SEMA3D: variants seen among roughly 807,000 people sequenced by gnomAD.
SEMA3D encodes semaphorin 3D.
A neutral mutation model predicts 100.1 loss-of-function variants in SEMA3D; 84 were observed. The ratio of observed to expected loss-of-function variants is 0.84; its 90% CI spans 0.70 to 1.01. SEMA3D has a LOEUF of 1.01. Among genes scored for constraint, SEMA3D ranks in the 50% least tolerant of loss-of-function variants. The pLI is 0.00. For synonymous variants in SEMA3D, 312 were observed against 320.7 expected (o/e 0.97, Z 0.29); for missense variants, 875 against 934.1 (o/e 0.94, Z 0.82).
At chr7:85,030,770 C>T (rs13240751) in intron 12 of SEMA3D, among the ~76,000 whole-genome samples, 35,741 of 151,944 alleles carry the variant, frequency 0.24, 4,943 homozygotes, top group Non-Finnish European at 0.33. Flanking sequence ...TGGAAATTTT[C>T]TGCCTTTACA....
At chr7:85,007,119 T>A (rs1229157929) in intron 17 of SEMA3D, among the ~76,000 whole-genome samples, 178 bp from the exon 18 acceptor site, 2 of 151,930 alleles carry the variant, frequency 1.3e-5, no homozygotes, top group Admixed American at 6.6e-5. Context: ...GATTGATTTT[T>A]AAAATTTGAT....
chr7:85,025,772 A>G (rs1790375731), intron 12 of SEMA3D, among the ~76,000 whole-genome samples: 2 of 152,010 alleles, frequency 1.3e-5, no homozygotes, highest in African/African-American at 4.8e-5. Context: ...TTATTCATCG[A>G]AGAGTCAACC....
intron 11 of SEMA3D, 117 bp downstream of exon 11, chr7:85,040,555 GA>G (rs911048325): frequency 2.7e-4 from 162 of 611,296 alleles, no homozygotes; most frequent in East Asian, 2.4e-3. Flanking sequence ...AAGGTAAAAT[GA>G]AAAAAAAAGT....
At chr7:85,126,910 C>T (rs1240682937) in intron 2 of SEMA3D, among the ~76,000 whole-genome samples, 1 of 152,140 alleles carries the variant, frequency 6.6e-6, no homozygotes, top group Non-Finnish European at 1.5e-5. Flanking sequence ...AATGCTAGAA[C>T]TTTCACATAA....
intron 1 of SEMA3D, among the ~76,000 whole-genome samples, chr7:85,159,583 A>G (rs1010524336): frequency 2.0e-5 from 3 of 152,218 alleles, no homozygotes; most frequent in Non-Finnish European, 2.9e-5. Context: ...AACAAGAAAG[A>G]CAAACTTTTC....
Position 85,145,378 on chromosome 7 carries a change from T to C in SEMA3D, c.-41+8230A>G, listed in dbSNP as rs185156590. On this transcript the variant is annotated intron_variant, in intron 2 of 18. Transcript: ENST00000284136. ...GATAGATAAAAGTACAATATTTAAA[T>C]CAAATAATTATATAAGAAGCAGAAG... Among the ~76,000 whole-genome samples, 35 of 152,154 alleles carry C rather than the reference T, an allele frequency of 2.3e-4. 1 individual carries two copies. Among genetic ancestry groups the C allele is most frequent in the Admixed American group, 2.2e-3 (33 of 15,256 alleles).
intron 17 of SEMA3D, among the ~76,000 whole-genome samples, chr7:85,009,517 A>G (rs190836572): frequency 5.0e-4 from 76 of 151,602 alleles, no homozygotes; most frequent in Non-Finnish European, 9.3e-4. Flanking sequence ...AACTCCCACA[A>G]TTGATTATTT....
Position 85,060,331 on chromosome 7 carries a change from A to G in SEMA3D, c.719-4472T>C, listed in dbSNP as rs571585452. 1.8e-3 allele frequency among the ~76,000 whole-genome samples: 273 copies of G among 152,270 alleles called. 2 individuals are homozygous for G. Among genetic ancestry groups the G allele is most frequent in the Non-Finnish European group, 2.9e-3 (194 of 68,022 alleles). On this transcript the variant is annotated intron_variant, in intron 8 of 18. Transcript: ENST00000284136. ...AATACAAGTTGCAAGCACAGAGTTT[A>G]TTTCTTGCAGATTCTGTTGAGGTCC... is the stretch of plus-strand genomic sequence containing the variant.
At chr7:85,078,609 C>T (rs6962019) in intron 5 of SEMA3D, among the ~76,000 whole-genome samples, 23,687 of 152,124 alleles carry the variant, frequency 0.16, 2,458 homozygotes, top group East Asian at 0.45. Flanking sequence ...CAAAATACTA[C>T]CAAATATCTT....
chr7:85,160,000 T>G (rs1212671622), intron 1 of SEMA3D: 3 of 980,260 alleles, frequency 3.1e-6, no homozygotes, highest in Admixed American at 6.2e-5. Context: ...CTACCACATC[T>G]CTCCATGAAC....
intron 3 of SEMA3D, among the ~76,000 whole-genome samples, chr7:85,111,597 C>T (rs1789096324): frequency 6.6e-6 from 1 of 152,064 alleles, no homozygotes; most frequent in African/African-American, 2.4e-5. Context: ...ACAATAGCCT[C>T]AAACTTGGCT....
At chr7:85,190,217 A>G (rs369322406), upstream of SEMA3D, among the ~76,000 whole-genome samples, 6 of 152,292 alleles carry the variant, frequency 3.9e-5, no homozygotes, top group South Asian at 1.2e-3. Context: ...AAAATTATTG[A>G]TGAAGGAGAC....
intron 18 of SEMA3D, among the ~76,000 whole-genome samples, chr7:85,000,432 T>C (rs1789624634): frequency 6.6e-6 from 1 of 152,178 alleles, no homozygotes; most frequent in African/African-American, 2.4e-5. Flanking sequence ...AAGCCATAAA[T>C]GATGACGTCT....
chr7:85,246,698 C>A, the SEMA3D span, among the ~76,000 whole-genome samples: 4 of 151,592 alleles, frequency 2.6e-5, no homozygotes, highest in African/African-American at 9.7e-5. Flanking sequence ...CTGAAAAAAA[C>A]CTGATAATAT....
At chr7:85,160,517 G>C (rs1279735506) in intron 1 of SEMA3D, among the ~76,000 whole-genome samples, 1 of 152,058 alleles carries the variant, frequency 6.6e-6, no homozygotes, top group Non-Finnish European at 1.5e-5. Context: ...GGCAAATGGG[G>C]GCGATGCGGT....
chr7:85,080,663 A>G (rs888228372), intron 5 of SEMA3D, among the ~76,000 whole-genome samples: 1 of 152,166 alleles, frequency 6.6e-6, no homozygotes, highest in African/African-American at 2.4e-5. Flanking sequence ...CCCCATTACC[A>G]TAATGCAAGA....
the SEMA3D span, among the ~76,000 whole-genome samples, chr7:85,221,790 A>T: frequency 1.3e-5 from 2 of 152,212 alleles, no homozygotes; most frequent in East Asian, 3.9e-4. Flanking sequence ...ACTGTGAAGG[A>T]TTAATAGCAT....
At chr7:85,015,280 T>C in intron 15 of SEMA3D, 64 bp from the exon 16 acceptor site, 1 of 1,478,396 alleles carries the variant, frequency 6.8e-7, no homozygotes. Context: ...GAATTTCCTT[T>C]TCTTGAATAT....
intron 3 of SEMA3D, among the ~76,000 whole-genome samples, chr7:85,118,672 TTTGTCAGG>T (rs1404714845): frequency 6.6e-6 from 1 of 152,128 alleles, no homozygotes; most frequent in Non-Finnish European, 1.5e-5. Context: ...ATATTAGATG[TTTGTCAGG>T]TGCATAGTTT....
Sources: allele counts gnomAD v4.1 joint callset (sites outside exome capture counted in the v4.1 genomes callset), GRCh38; gene constraint gnomAD v4.1.1; transcripts MANE v1.5; gene names NCBI Gene and HGNC (gene_info 2026-07-23, HGNC 2026-07-21).